TRPC6: variants seen among roughly 807,000 people sequenced by gnomAD.
TRPC6 encodes the protein transient receptor potential cation channel subfamily C member 6, also known as short transient receptor potential channel 6.
TRPC6 carries 55 observed loss-of-function variants against 90.7 expected under a neutral mutation model. The ratio of observed to expected loss-of-function variants is 0.61; its 90% CI spans 0.49 to 0.76. TRPC6 has a LOEUF of 0.76. TRPC6 is among the 30% of genes least tolerant of loss of function. TRPC6 has a pLI of 0.00. For synonymous variants in TRPC6, 393 were observed against 393.0 expected, an observed-to-expected ratio of 1.00 and a Z score of 0.00; for missense variants, 989 against 1,122.7, an observed-to-expected ratio of 0.88 and a Z score of 1.70.
chr11:101,531,521 T>G lies in TRPC6; in HGVS notation c.171-26723A>C, dbSNP rs573492663. ...GTACATATGAACATCATGCATAACA[T>G]TTATTCTAAAAAAGAATTTGACTCA... On this transcript the variant is annotated intron_variant, in intron 1 of 12. Transcript: ENST00000344327. 1.1e-4 allele frequency among the ~76,000 whole-genome samples: 17 copies of G among 152,342 alleles called. No individual in the cohort carries two copies. In the East Asian group the frequency reaches 2.9e-3, roughly 26 times the overall value.
chr11:101,567,177 T>G (rs1373468376), intron 1 of TRPC6, among the ~76,000 whole-genome samples: 11 of 148,490 alleles, frequency 7.4e-5, no homozygotes, highest in Non-Finnish European at 1.3e-4. Flanking sequence ...TCTAGCTAGG[T>G]GGGGGGAGGG....
intron 1 of TRPC6, among the ~76,000 whole-genome samples, chr11:101,570,947 T>C (rs1337032106): frequency 6.7e-6 from 1 of 149,394 alleles, no homozygotes; most frequent in Non-Finnish European, 1.5e-5. Context: ...ACATTCCCTT[T>C]GAAAGCTGGC....
intron 4 of TRPC6, among the ~76,000 whole-genome samples, chr11:101,485,207 G>C (rs1017600514): frequency 1.3e-5 from 2 of 150,938 alleles, no homozygotes; most frequent in Non-Finnish European, 3.0e-5. Context: ...TCCAAAGTTA[G>C]TTTGTAAAAG....
At chr11:101,524,034 A>T (rs12786942) in intron 1 of TRPC6, among the ~76,000 whole-genome samples, 12,871 of 152,256 alleles carry the variant, frequency 0.085, 727 homozygotes, top group Middle Eastern at 0.13. Flanking sequence ...GTCTTTGTCA[A>T]AGTCAACACA....
rs1491509275 is a variant in TRPC6 at position 101,573,956 on chromosome 11, GTA to G, written c.170+9376_170+9377del. Among the ~76,000 whole-genome samples, 880 of 126,564 alleles carry G rather than the reference GTA, an allele frequency of 7.0e-3. 15 individuals carry two copies. The highest frequency in any genetic ancestry group is 0.022 in the East Asian group (95 of 4,352). 83.0% of individuals were successfully genotyped at this position (126,564 alleles called of 152,430 possible). On this transcript the variant is annotated intron_variant, in intron 1 of 12. Coordinates refer to ENST00000344327, the MANE Select transcript of TRPC6 (RefSeq NM_004621.6). Reference sequence around the variant, plus strand: ...TGTGTGTGTGTGTGTGTGTGTGTGTGTATGTGTGTGTGTGTTGAGAAGGGTGG... The same window carrying G: ...TGTGTGTGTGTGTGTGTGTGTGTGTGTGTGTGTGTGTGTTGAGAAGGGTGG...
At chr11:101,525,956 C>T (rs894398174) in intron 1 of TRPC6, among the ~76,000 whole-genome samples, 2 of 152,108 alleles carry the variant, frequency 1.3e-5, no homozygotes, top group Non-Finnish European at 2.9e-5. Flanking sequence ...ATAGGATGGG[C>T]GGGGCAGCTC....
At chr11:101,494,394 T>G (rs2136713595) in intron 2 of TRPC6, among the ~76,000 whole-genome samples, 1 of 152,304 alleles carries the variant, frequency 6.6e-6, no homozygotes, top group Non-Finnish European at 1.5e-5. Context: ...TGCCAAGGAC[T>G]TAGCAAGGTT....
At chr11:101,564,422 T>A (rs1246244963) in intron 1 of TRPC6, among the ~76,000 whole-genome samples, 1 of 152,212 alleles carries the variant, frequency 6.6e-6, no homozygotes, top group East Asian at 1.9e-4. Flanking sequence ...CACTTTTATT[T>A]CTTCCTTTAC....
chr11:101,452,584 A>G lies in TRPC6; in HGVS notation c.*371T>C, dbSNP rs1591517564. On this transcript the variant is annotated 3_prime_UTR_variant, in exon 13 of 13. Coordinates refer to ENST00000344327, the MANE Select transcript of TRPC6 (RefSeq NM_004621.6). ...CAGAGCAGGCAAGAAGGAACCTGAA[A>G]TAAACTTCAGAGGAAAAACCGCATG... is the stretch of plus-strand genomic sequence containing the variant. 4.6e-6 allele frequency: 1 copy of G among 218,864 alleles called. No individual in the cohort carries two copies. The highest frequency in any genetic ancestry group is 1.1e-4 in the East Asian group (1 of 8,702). 13.6% of individuals were successfully genotyped at this position (218,864 alleles called of 1,614,324 possible). A position where few individuals can be genotyped will look rare whatever the true frequency, so the allele number is the denominator to read the frequency against.
chr11:101,565,764 C>T (rs1861814211), intron 1 of TRPC6, among the ~76,000 whole-genome samples: 1 of 151,996 alleles, frequency 6.6e-6, no homozygotes, highest in Admixed American at 6.5e-5. Flanking sequence ...AATACCTGAT[C>T]ATTGTACCCT....
chr11:101,557,972 A>C (rs1227164351), intron 1 of TRPC6, among the ~76,000 whole-genome samples: 1 of 152,166 alleles, frequency 6.6e-6, no homozygotes, highest in Non-Finnish European at 1.5e-5. Flanking sequence ...TGATCTACAG[A>C]TTCAATGCAA....
intron 3 of TRPC6, among the ~76,000 whole-genome samples, chr11:101,491,005 T>C (rs1038484593): frequency 3.5e-4 from 53 of 152,238 alleles, no homozygotes; most frequent in Admixed American, 3.4e-3. Context: ...TGTTATATCA[T>C]TAGCACAGTA....
In TRPC6 at chr11:101,483,156, T is replaced by C. The variant is rs1859592795; in HGVS notation, c.1303A>G (p.Ile435Val). The change falls in exon 5 of 13, where the codon ATA becomes GTA. Residue 435 changes from isoleucine to valine, a missense_variant. Coordinates refer to ENST00000344327, the MANE Select transcript of TRPC6 (RefSeq NM_004621.6). ...WFAPCSKMGKIMRGPFMKFVA... is the reference protein window; with the variant it reads ...WFAPCSKMGKVMRGPFMKFVA... ...AACTTCATGAATGGTCCACGCATTA[T>C]CTTCCCCATCTGCCACAACACACAC... 1.2e-6 allele frequency: 2 copies of C among 1,614,040 alleles called. No individual in the cohort carries two copies. Among genetic ancestry groups the C allele is most frequent in the African/African-American group, 2.7e-5 (2 of 75,056 alleles).
intron 1 of TRPC6, among the ~76,000 whole-genome samples, chr11:101,546,412 G>A (rs1012053777): frequency 2.0e-5 from 3 of 152,090 alleles, no homozygotes; most frequent in South Asian, 2.1e-4. Flanking sequence ...TGAGATAAAG[G>A]AACCACTGCA....
rs78799867 is a variant in TRPC6, at chr11:101,487,700, A to G, written c.1293+1237T>C. 1.3e-3 allele frequency among the ~76,000 whole-genome samples: 193 copies of G among 152,224 alleles called. 1 individual carries two copies. The highest frequency in any genetic ancestry group is 4.2e-3 in the African/African-American group (176 of 41,550). On this transcript the variant is annotated intron_variant, in intron 4 of 12. Transcript: ENST00000344327. ...GATGTCATTTCTAGTAAATTGCACT[A>G]TTTTCATTTTATGTTCCTCATTTAT...
chr11:101,458,284 A>G (rs1055737896), intron 10 of TRPC6, among the ~76,000 whole-genome samples: 1 of 152,174 alleles, frequency 6.6e-6, no homozygotes, highest in African/African-American at 2.4e-5. Context: ...GCCAAATATT[A>G]CTTTTTACTG....
rs12804301 is a variant in TRPC6 at position 101,501,267 on chromosome 11, T to A, written c.945+2757A>T. On this transcript the variant is annotated intron_variant, in intron 2 of 12. Transcript: ENST00000344327. ...GGGAGTTGACTATTTAAAAAGATTT[T>A]AAAAAAAAAGACTGAAAGGATATGT... is the stretch of plus-strand genomic sequence containing the variant. Among the ~76,000 whole-genome samples, 519 of 147,268 alleles carry A rather than the reference T, an allele frequency of 3.5e-3. 7 individuals are homozygous for A. Among genetic ancestry groups the A allele is most frequent in the African/African-American group, 5.8e-3 (231 of 39,860 alleles).
intron 1 of TRPC6, among the ~76,000 whole-genome samples, chr11:101,559,410 G>A (rs1293326475): frequency 6.6e-6 from 1 of 152,116 alleles, no homozygotes; most frequent in Non-Finnish European, 1.5e-5. Context: ...AGAAGCACTA[G>A]CCCAGCAATT....
chr11:101,520,998 T>C lies in TRPC6; in HGVS notation c.171-16200A>G, dbSNP rs115166795. On this transcript the variant is annotated intron_variant, in intron 1 of 12. Coordinates refer to ENST00000344327, the MANE Select transcript of TRPC6 (RefSeq NM_004621.6). ...TAAAAGGGAGGCAGAGCATAAAACT[T>C]TGGAAAATTTGCAGCCTGACCCTGT... is the stretch of plus-strand genomic sequence containing the variant. 6.8e-3 allele frequency among the ~76,000 whole-genome samples: 1,033 copies of C among 152,274 alleles called. 10 individuals carry two copies. The highest frequency in any genetic ancestry group is 0.024 in the African/African-American group (977 of 41,528).
Sources: gnomAD v4.1 joint callset for allele counts (sites outside exome capture counted in the v4.1 genomes callset) on GRCh38, gnomAD v4.1.1 for gene constraint, MANE v1.5 for transcripts, NCBI Gene and HGNC (gene_info 2026-07-23, HGNC 2026-07-21) for gene names.